PLPPR1: variants seen among roughly 807,000 people sequenced by gnomAD.
The protein encoded by PLPPR1 is phospholipid phosphatase related 1.
Under a neutral mutation model 33.1 loss-of-function variants are expected in PLPPR1, and 10 were observed. The observed-to-expected ratio is 0.30, with a 90% CI of 0.19 to 0.51. The LOEUF (loss-of-function observed/expected upper bound fraction) is 0.51, where lower values mean the gene tolerates loss of function less well. Ranked by LOEUF, PLPPR1 falls within the 20% of genes least tolerant of loss-of-function variation. PLPPR1 has a pLI of 0.97. For synonymous variants in PLPPR1, 151 were observed against 151.0 expected (o/e 1.00, Z 0.00); for missense variants, 304 against 408.1 (o/e 0.74, Z 2.20).
chr9:101,273,896 C>G (rs903078934), intron 3 of PLPPR1, among the ~76,000 whole-genome samples: 1 of 152,174 alleles, frequency 6.6e-6, no homozygotes, highest in Non-Finnish European at 1.5e-5. Flanking sequence ...CTAATAAAAA[C>G]ATACATCACC....
At chr9:101,297,896 C>G (rs1157419586) in intron 4 of PLPPR1, among the ~76,000 whole-genome samples, 1 of 152,074 alleles carries the variant, frequency 6.6e-6, no homozygotes, top group Non-Finnish European at 1.5e-5. Context: ...ACCCACCTTT[C>G]TTTTTCAGTG....
intron 2 of PLPPR1, among the ~76,000 whole-genome samples, chr9:101,243,710 T>C (rs1827527111): frequency 6.6e-6 from 1 of 151,798 alleles, no homozygotes. Flanking sequence ...GAAATAAGGG[T>C]CTAGAGCTCA....
chr9:101,038,327 A>G (rs1032964245), intron 1 of PLPPR1, among the ~76,000 whole-genome samples: 3 of 152,102 alleles, frequency 2.0e-5, no homozygotes, highest in Non-Finnish European at 4.4e-5. Context: ...ATCAGTCCTC[A>G]TGTATATTCA....
intron 7 of PLPPR1, among the ~76,000 whole-genome samples, chr9:101,318,748 T>C (rs1300741102): frequency 6.6e-6 from 1 of 151,352 alleles, no homozygotes; most frequent in African/African-American, 2.4e-5. Flanking sequence ...CACTCTAGGC[T>C]GGGTGACAGA....
At chr9:101,318,575 C>G (rs905558270) in intron 7 of PLPPR1, among the ~76,000 whole-genome samples, 1 of 152,072 alleles carries the variant, frequency 6.6e-6, no homozygotes, top group Non-Finnish European at 1.5e-5. Context: ...AGTTTGAGAC[C>G]AGACTGGGCA....
At chr9:101,186,328 G>T (rs1239073206) in intron 2 of PLPPR1, among the ~76,000 whole-genome samples, 3 of 150,456 alleles carry the variant, frequency 2.0e-5, no homozygotes, top group Non-Finnish European at 4.4e-5. Context: ...TAGTGGATCG[G>T]TTTTTTTTTA....
intron 1 of PLPPR1, among the ~76,000 whole-genome samples, chr9:101,129,109 A>G (rs1167746785): frequency 2.0e-5 from 3 of 152,132 alleles, no homozygotes; most frequent in Non-Finnish European, 1.5e-5. Context: ...TATAGGGTAG[A>G]GTTCCTTGTC....
At chr9:101,322,922 T>C (rs1829182704) in intron 7 of PLPPR1, among the ~76,000 whole-genome samples, 1 of 152,134 alleles carries the variant, frequency 6.6e-6, no homozygotes, top group African/African-American at 2.4e-5. Context: ...GAAAAACATT[T>C]TAATGGATCT....
intron 1 of PLPPR1, among the ~76,000 whole-genome samples, chr9:101,054,076 C>T (rs1830253856): frequency 6.6e-6 from 1 of 152,000 alleles, no homozygotes; most frequent in African/African-American, 2.4e-5. Flanking sequence ...TTCAGCTACT[C>T]AGGAGGCTGA....
chr9:101,241,294 AGTCCTCAGTT>A (rs527606195), intron 2 of PLPPR1, among the ~76,000 whole-genome samples: 354 of 152,158 alleles, frequency 2.3e-3, no homozygotes, highest in South Asian at 8.1e-3. Context: ...TCATTCAAGG[AGTCCTCAGTT>A]GTACAGAAAT....
At chr9:101,323,504 G>A (rs1376302816) in intron 7 of PLPPR1, among the ~76,000 whole-genome samples, 1 of 149,032 alleles carries the variant, frequency 6.7e-6, no homozygotes, top group Non-Finnish European at 1.5e-5. Flanking sequence ...GGGTGAAGAA[G>A]TTATCCTATT....
intron 1 of PLPPR1, among the ~76,000 whole-genome samples, chr9:101,167,913 G>T (rs1289427023): frequency 6.6e-6 from 1 of 152,162 alleles, no homozygotes; most frequent in East Asian, 1.9e-4. Flanking sequence ...CCACATGGCT[G>T]GAGAGGTCTC....
chr9:101,140,580 G>A (rs1307183332), intron 1 of PLPPR1, among the ~76,000 whole-genome samples: 1 of 152,136 alleles, frequency 6.6e-6, no homozygotes, highest in African/African-American at 2.4e-5. Flanking sequence ...CATCTGTTGT[G>A]GAAGACTAAA....
At chr9:101,058,735 A>G (rs1430250069) in intron 1 of PLPPR1, among the ~76,000 whole-genome samples, 2 of 152,158 alleles carry the variant, frequency 1.3e-5, no homozygotes, top group Non-Finnish European at 2.9e-5. Flanking sequence ...TTTATAGGCA[A>G]AAGAGTTTCT....
At chr9:101,119,305 A>G (rs1831149466) in intron 1 of PLPPR1, among the ~76,000 whole-genome samples, 1 of 152,164 alleles carries the variant, frequency 6.6e-6, no homozygotes, top group South Asian at 2.1e-4. Flanking sequence ...TGCTTTGGCA[A>G]TGTGGCAGCC....
intron 2 of PLPPR1, among the ~76,000 whole-genome samples, chr9:101,236,801 C>A (rs1045508706): frequency 6.6e-6 from 1 of 151,210 alleles, no homozygotes. Context: ...TATTGTTAAC[C>A]CTCAAAAGCA....
chr9:101,279,162 C>G (rs769762160), intron 3 of PLPPR1, among the ~76,000 whole-genome samples: 15 of 151,992 alleles, frequency 9.9e-5, no homozygotes, highest in Admixed American at 5.2e-4. Context: ...CAATGAACTT[C>G]AAGAAAATAC....
At chr9:101,055,304 C>A (rs1205970174) in intron 1 of PLPPR1, among the ~76,000 whole-genome samples, 1 of 152,100 alleles carries the variant, frequency 6.6e-6, no homozygotes, top group Non-Finnish European at 1.5e-5. Context: ...TCTTTTGATA[C>A]CCACCTAATA....
chr9:101,170,169 T>C (rs1251510867), intron 1 of PLPPR1, among the ~76,000 whole-genome samples: 1 of 152,144 alleles, frequency 6.6e-6, no homozygotes, highest in Admixed American at 6.6e-5. Flanking sequence ...AACATGGTCC[T>C]GGCTCATGGA....
Sources: gnomAD v4.1 joint callset for allele counts (sites outside exome capture counted in the v4.1 genomes callset) on GRCh38, gnomAD v4.1.1 for gene constraint, MANE v1.5 for transcripts, NCBI Gene and HGNC (gene_info 2026-07-23, HGNC 2026-07-21) for gene names.